The following SLC25A42 variants were observed in gnomAD, a reference collection of about 807,000 sequenced individuals.
The protein encoded by SLC25A42 is solute carrier family 25 member 42, also known as mitochondrial coenzyme A transporter SLC25A42.
A neutral mutation model predicts 34.7 loss-of-function variants in SLC25A42; 19 were observed. That is an observed-to-expected ratio of 0.55 (90% CI 0.38 to 0.80). The LOEUF (loss-of-function observed/expected upper bound fraction) is 0.80. Ranked by LOEUF, SLC25A42 falls within the 30% of genes least tolerant of loss-of-function variation. The pLI is 0.00. For synonymous variants in SLC25A42, 205 were observed against 191.2 expected (o/e 1.07, Z -0.59); for missense variants, 364 against 441.3 (o/e 0.82, Z 1.57).
intron 1 of SLC25A42, among the ~76,000 whole-genome samples, chr19:19,076,232 G>A (rs147654701): frequency 1.1e-3 from 171 of 152,224 alleles, no homozygotes; most frequent in African/African-American, 3.9e-3. Flanking sequence ...GGAGGCTGAG[G>A]CGGGTGGATA....
chr19:19,090,285 A>G (rs578253118), intron 1 of SLC25A42, among the ~76,000 whole-genome samples: 1 of 152,266 alleles, frequency 6.6e-6, no homozygotes, highest in Admixed American at 6.5e-5. Flanking sequence ...TGCCACCCCA[A>G]GTGGCCGCCC....
chr19:19,065,322 T>A lies in SLC25A42; in HGVS notation c.-35+1207T>A, dbSNP rs2059596214. Among the ~76,000 whole-genome samples, 6 of 152,218 alleles carry A rather than the reference T, an allele frequency of 3.9e-5. 1 individual carries two copies. The South Asian group carries it at 1.2e-3, about 32-fold the overall frequency. On this transcript the variant is annotated intron_variant, in intron 1 of 7. Transcript: ENST00000318596. Reference sequence around the variant, plus strand: ...CCCGGGACCCCTCTCCGACACTCCCTGGGCCCTTGAAGCCGATAAAGAGTA... The same window carrying A: ...CCCGGGACCCCTCTCCGACACTCCCAGGGCCCTTGAAGCCGATAAAGAGTA...
chr19:19,065,608 G>C (rs1286269231), intron 1 of SLC25A42, among the ~76,000 whole-genome samples: 1 of 152,126 alleles, frequency 6.6e-6, no homozygotes, highest in African/African-American at 2.4e-5. Context: ...ATGTTTCAGA[G>C]GGTCATGTCA....
intron 1 of SLC25A42, among the ~76,000 whole-genome samples, chr19:19,069,899 C>T (rs2059620340): frequency 1.3e-5 from 2 of 151,848 alleles, no homozygotes; most frequent in African/African-American, 2.4e-5. Context: ...GATCTTCGCT[C>T]ACTGCAACCT....
intron 1 of SLC25A42, among the ~76,000 whole-genome samples, chr19:19,093,741 G>A (rs1233794522): frequency 6.6e-6 from 1 of 152,150 alleles, no homozygotes; most frequent in African/African-American, 2.4e-5. Context: ...GCAGTGGCGT[G>A]ATCTCGGCTC....
At chr19:19,092,414 G>A (rs2059742961) in intron 1 of SLC25A42, among the ~76,000 whole-genome samples, 1 of 152,208 alleles carries the variant, frequency 6.6e-6, no homozygotes, top group Non-Finnish European at 1.5e-5. Context: ...CTTTGTCTAT[G>A]TCTGTGGGTG....
At chr19:19,093,956 G>A (rs989871113) in intron 1 of SLC25A42, among the ~76,000 whole-genome samples, 1 of 152,208 alleles carries the variant, frequency 6.6e-6, no homozygotes, top group Non-Finnish European at 1.5e-5. Context: ...GATTACAGGC[G>A]TGAGCCACTG....
intron 1 of SLC25A42, among the ~76,000 whole-genome samples, chr19:19,089,197 A>G (rs2145910843): frequency 6.6e-6 from 1 of 152,290 alleles, no homozygotes; most frequent in East Asian, 1.9e-4. Context: ...AGCTCAACTT[A>G]CACTCTGAAT....
Position 19,109,733 on chromosome 19 carries a change from T to C in SLC25A42, c.650-836T>C, listed in dbSNP as rs560878427. 5.3e-5 allele frequency among the ~76,000 whole-genome samples: 8 copies of C among 152,130 alleles called. No individual in the cohort carries two copies. The highest frequency in any genetic ancestry group is 1.2e-4 in the Non-Finnish European group (8 of 68,008). On this transcript the variant is annotated intron_variant, in intron 7 of 7. Coordinates refer to ENST00000318596, the MANE Select transcript of SLC25A42 (RefSeq NM_178526.5). This position sits in a 1 kb window ranked among gnomAD's most constrained non-coding sequence, Gnocchi z 4.1. ...CAGGCGTGAGTCACTGCACCCAGCCTTGGCTGTTTTAAATTCCTAGTTCTA... is the reference window on the plus strand; with the variant it reads ...CAGGCGTGAGTCACTGCACCCAGCCCTGGCTGTTTTAAATTCCTAGTTCTA...
rs544346539 is a variant in SLC25A42 at position 19,109,820 on chromosome 19, A to G, written c.650-749A>G. Among the ~76,000 whole-genome samples the G allele has an allele frequency of 6.6e-6, 1 of 152,162 alleles. No homozygotes were observed. Among genetic ancestry groups the G allele is most frequent in the African/African-American group, 2.4e-5 (1 of 41,516 alleles). On this transcript the variant is annotated intron_variant, in intron 7 of 7. Transcript: ENST00000318596. The surrounding 1 kb of genome is among the most constrained non-coding windows in gnomAD (Gnocchi z 4.1). ...ACCTGTTGCTGCTCCTTCCTCCTCC[A>G]CACCCACACACCCCGTTTAGACCCG...
rs961396249 is a variant in SLC25A42, at chr19:19,109,142, A to G, written c.649+1097A>G. ...GTGGAGTCAGCTCACCCGGGAGTGC[A>G]GCTCCCAGCTCAGCTGGTTTGGGGT... On this transcript the variant is annotated intron_variant, in intron 7 of 7. Transcript: ENST00000318596. This position sits in a 1 kb window ranked among gnomAD's most constrained non-coding sequence, Gnocchi z 4.1. Among the ~76,000 whole-genome samples the G allele has an allele frequency of 6.6e-6, 1 of 152,238 alleles. No homozygotes were observed. Among genetic ancestry groups the G allele is most frequent in the Non-Finnish European group, 1.5e-5 (1 of 68,036 alleles).
intron 1 of SLC25A42, among the ~76,000 whole-genome samples, chr19:19,085,288 C>T (rs1030213561): frequency 6.6e-6 from 1 of 152,194 alleles, no homozygotes; most frequent in Non-Finnish European, 1.5e-5. Flanking sequence ...CCTCAGCTTC[C>T]CCAGCTGTGA....
intron 1 of SLC25A42, among the ~76,000 whole-genome samples, chr19:19,080,207 G>GCTCAT (rs538563834): frequency 1.2e-4 from 18 of 152,190 alleles, no homozygotes; most frequent in Non-Finnish European, 2.4e-4. Flanking sequence ...GCCTGAGGGT[G>GCTCAT]CTCATCTGGT....
At chr19:19,103,450 T>C (rs1420750611) in intron 3 of SLC25A42, among the ~76,000 whole-genome samples, 1 of 152,168 alleles carries the variant, frequency 6.6e-6, no homozygotes, top group East Asian at 1.9e-4. Flanking sequence ...CCTAACCCAG[T>C]ATGACCTTAC....
chr19:19,079,505 C>T (rs1459881790), intron 1 of SLC25A42, among the ~76,000 whole-genome samples: 1 of 152,278 alleles, frequency 6.6e-6, no homozygotes, highest in East Asian at 1.9e-4. Context: ...ATCAATGGAA[C>T]CTCACACTAT....
At chr19:19,076,815 C>A (rs1387143384) in intron 1 of SLC25A42, among the ~76,000 whole-genome samples, 1 of 152,150 alleles carries the variant, frequency 6.6e-6, no homozygotes, top group Non-Finnish European at 1.5e-5. Context: ...CTGCCCCCTC[C>A]CTGATATACC....
chr19:19,071,398 G>A (rs2059629370), intron 1 of SLC25A42, among the ~76,000 whole-genome samples: 1 of 152,184 alleles, frequency 6.6e-6, no homozygotes, highest in South Asian at 2.1e-4. Flanking sequence ...AGGATGGGGA[G>A]CATGGACACA....
At chr19:19,074,405 G>A (rs76229257) in intron 1 of SLC25A42, among the ~76,000 whole-genome samples, 3 of 152,286 alleles carry the variant, frequency 2.0e-5, no homozygotes, top group South Asian at 2.1e-4. Flanking sequence ...AGCCTTTATC[G>A]GCTGGCAGAT....
At position 19,106,350 on chromosome 19, in the gene SLC25A42, G is replaced by T; in HGVS notation, c.462G>T (p.Leu154=). ...CTTCACTGACCTACCCCCTGGACCT[G>T]GTCAGAGCGCGGATGGCCGTAACCC... ...TAASLTYPLD[L]VRARMAVTPK... is the part of the protein sequence containing the mutation. The change falls in exon 6 of 8, where the codon CTG becomes CTT. Residue 154 remains leucine (L), a synonymous_variant. Transcript: ENST00000318596. The T allele has an allele frequency of 1.2e-6, 2 of 1,613,528 alleles. No individual in the cohort carries two copies. The highest frequency in any genetic ancestry group is 1.1e-5 in the South Asian group (1 of 91,020).
Sources: gnomAD v4.1 joint callset for allele counts (sites outside exome capture counted in the v4.1 genomes callset) on GRCh38, gnomAD v4.1.1 for gene constraint, Gnocchi (gnomAD v3.1) non-coding constraint, MANE v1.5 for transcripts, NCBI Gene and HGNC (gene_info 2026-07-23, HGNC 2026-07-21) for gene names.